RASA2: variants seen among roughly 807,000 people sequenced by gnomAD.
The protein encoded by RASA2 is ras GTPase-activating protein 2.
RASA2 carries 155 observed loss-of-function variants against 118.2 expected under a neutral mutation model. The ratio of observed to expected loss-of-function variants is 1.31; its 90% CI spans 1.15 to 1.50. The LOEUF (loss-of-function observed/expected upper bound fraction) is 1.50, where lower values mean the gene tolerates loss of function less well. Ranked by LOEUF, RASA2 falls within the 40% of genes most tolerant of loss-of-function variation. RASA2 has a pLI of 0.00. For missense variants in RASA2, 1,016 were observed against 1,009.6 expected (o/e 1.01, Z -0.09); for synonymous variants, 353 against 349.1 (o/e 1.01, Z -0.12).
intron 11 of RASA2, among the ~76,000 whole-genome samples, chr3:141,572,238 C>G (rs918543578): frequency 2.6e-5 from 4 of 151,806 alleles, no homozygotes; most frequent in African/African-American, 9.7e-5. Flanking sequence ...ATTACAGGCA[C>G]TCGCCACCAC....
Position 141,487,032 on chromosome 3 carries a change from G to C in RASA2, c.-52G>C, listed in dbSNP as rs1304392345. On this transcript the variant is annotated 5_prime_UTR_variant, in exon 1 of 24. Transcript: ENST00000286364. ...TGGGCCTAGGCCGCTGCTGGGCTCC[G>C]CCTCGCCCGGCTACGCAGGCGGCAG... 2.6e-6 allele frequency: 3 copies of C among 1,146,730 alleles called. No homozygotes were observed. The highest frequency in any genetic ancestry group is 3.2e-6 in the Non-Finnish European group (3 of 931,726). 71.0% of individuals were successfully genotyped at this position (1,146,730 alleles called of 1,614,324 possible). A position where few individuals can be genotyped will look rare whatever the true frequency, so the allele number is the denominator to read the frequency against.
At chr3:141,607,636 T>A (rs1260255520) in intron 19 of RASA2, 42 bp from the exon 20 acceptor site, 1 of 1,520,010 alleles carries the variant, frequency 6.6e-7, no homozygotes, top group African/African-American at 1.4e-5. Context: ...ATAATTCTGA[T>A]GGAAATTACT....
Position 141,612,866 on chromosome 3 carries a change from A to G in RASA2, c.*553A>G, listed in dbSNP as rs2083673942. The stretch of plus-strand genomic sequence containing the variant: ...CAAGACAGTGATAGAAACTTTAGAA[A>G]ACTGCCAGAGCATACTTGAAAGTTG... On this transcript the variant is annotated 3_prime_UTR_variant, in exon 24 of 24. Coordinates refer to ENST00000286364, the MANE Select transcript of RASA2 (RefSeq NM_006506.5). 6.6e-6 allele frequency: 1 copy of G among 152,348 alleles called. No homozygotes were observed. The highest frequency in any genetic ancestry group is 2.4e-5 in the African/African-American group (1 of 41,470). 9.4% of individuals were successfully genotyped at this position (152,348 alleles called of 1,614,324 possible). A position where few individuals can be genotyped will look rare whatever the true frequency, so the allele number is the denominator to read the frequency against.
intron 5 of RASA2, among the ~76,000 whole-genome samples, chr3:141,549,145 A>G (rs2082532262): frequency 6.6e-6 from 1 of 152,184 alleles, no homozygotes; most frequent in South Asian, 2.1e-4. Context: ...ATTTGCATCC[A>G]TAATTTTGTC....
At chr3:141,521,078 C>A (rs1215315378) in intron 3 of RASA2, among the ~76,000 whole-genome samples, 1 of 152,136 alleles carries the variant, frequency 6.6e-6, no homozygotes, top group African/African-American at 2.4e-5. Flanking sequence ...TGGTTTCAAA[C>A]AAGTTAAACT....
intron 2 of RASA2, among the ~76,000 whole-genome samples, chr3:141,515,642 C>T (rs1332261413): frequency 6.6e-6 from 1 of 152,058 alleles, no homozygotes; most frequent in African/African-American, 2.4e-5. Context: ...TAGCTCACTC[C>T]TGTAATCCCA....
At chr3:141,599,224 GTTTC>G (rs1316165476) in intron 19 of RASA2, among the ~76,000 whole-genome samples, 2 of 145,750 alleles carry the variant, frequency 1.4e-5, no homozygotes, top group South Asian at 2.2e-4. Flanking sequence ...TGAAGATTGA[GTTTC>G]TTTGTTTTTT....
intron 9 of RASA2, among the ~76,000 whole-genome samples, chr3:141,563,529 A>G (rs932725691): frequency 1.3e-5 from 2 of 152,234 alleles, no homozygotes; most frequent in Non-Finnish European, 2.9e-5. Context: ...ATAGTTATAC[A>G]TCACATATAT....
intron 4 of RASA2, among the ~76,000 whole-genome samples, chr3:141,530,639 A>G (rs1198790444): frequency 2.0e-5 from 3 of 152,122 alleles, no homozygotes; most frequent in African/African-American, 7.2e-5. Context: ...ATAATTTGCA[A>G]ATAAGTGCCT....
rs1257384637 is a variant in RASA2, at chr3:141,540,595, G to A, written c.513G>A (p.Gln171=). The stretch of plus-strand genomic sequence containing the variant: ...TAACGGAGAATGGAACTGTATGCCA[G>A]CAGCTTGTTGTACAGTAAGCATTTT... ...ELITENGTVC[Q]QLVVHIKACH... is the part of the protein sequence containing the mutation. Residue 171 remains glutamine (Q), a synonymous_variant, in exon 5 of 24, where the codon CAG becomes CAA. Coordinates refer to ENST00000286364, the MANE Select transcript of RASA2 (RefSeq NM_006506.5). The A allele has an allele frequency of 3.7e-6, 6 of 1,611,682 alleles. No individual in the cohort carries two copies. The East Asian group carries it at 1.3e-4, about 36-fold the overall frequency.
chr3:141,528,324 T>G (rs1264744316), intron 3 of RASA2, among the ~76,000 whole-genome samples: 1 of 151,966 alleles, frequency 6.6e-6, no homozygotes, highest in African/African-American at 2.4e-5. Flanking sequence ...AATAACAGTT[T>G]TATTGAGATG....
intron 5 of RASA2, among the ~76,000 whole-genome samples, chr3:141,546,357 C>A (rs533615326): frequency 1.1e-4 from 17 of 152,124 alleles, no homozygotes; most frequent in Non-Finnish European, 1.8e-4. Context: ...ATTTGTTACG[C>A]ATGTCTTTTG....
At chr3:141,529,941 T>C (rs944499369) in intron 4 of RASA2, 139 bp downstream of exon 4, 2 of 641,588 alleles carry the variant, frequency 3.1e-6, no homozygotes, top group Admixed American at 5.9e-5. Context: ...GACTTTTGGG[T>C]AATATAGGAC....
intron 3 of RASA2, among the ~76,000 whole-genome samples, chr3:141,518,482 CAAAAAAAAAAAAAAAAAAAAAA>C (rs777543417): frequency 1.5e-4 from 4 of 27,032 alleles, no homozygotes; most frequent in Non-Finnish European, 1.4e-4. Context: ...GACACCATCT[CAAAAAAAAAAAAAAAAAAAAAA>C]AAAAAAAAAA....
chr3:141,614,298 C>T lies in RASA2; in HGVS notation c.*1985C>T, dbSNP rs1417682082. The T allele has an allele frequency of 1.3e-5, 2 of 152,152 alleles. No homozygotes were observed. The highest frequency in any genetic ancestry group is 4.8e-5 in the African/African-American group (2 of 41,450). 9.4% of individuals were successfully genotyped at this position (152,152 alleles called of 1,614,324 possible). A position where few individuals can be genotyped will look rare whatever the true frequency, so the allele number is the denominator to read the frequency against. On this transcript the variant is annotated 3_prime_UTR_variant, in exon 24 of 24. Transcript: ENST00000286364. Reference sequence around the variant, plus strand: ...TTCAGCCATCTAGTTCTTTTCTTCACATGACACTTTTAAACAGCCAGTTTG... The same window carrying T: ...TTCAGCCATCTAGTTCTTTTCTTCATATGACACTTTTAAACAGCCAGTTTG...
intron 3 of RASA2, among the ~76,000 whole-genome samples, chr3:141,527,136 G>C (rs2082196523): frequency 6.6e-6 from 1 of 152,166 alleles, no homozygotes; most frequent in Non-Finnish European, 1.5e-5. Context: ...TTGAATGAGG[G>C]AATGAATTTG....
chr3:141,568,821 A>G (rs1249989870), intron 9 of RASA2, among the ~76,000 whole-genome samples: 1 of 152,084 alleles, frequency 6.6e-6, no homozygotes, highest in African/African-American at 2.4e-5. Flanking sequence ...TCTGAAAATA[A>G]ATTTTGTGGG....
chr3:141,564,382 C>G (rs79847769), intron 9 of RASA2, among the ~76,000 whole-genome samples: 1,790 of 152,198 alleles, frequency 0.012, 8 homozygotes, highest in Non-Finnish European at 0.017. Context: ...AGAGGCAGAA[C>G]CAGTTGTAAC....
At chr3:141,592,266 A>G (rs763804885) in intron 19 of RASA2, among the ~76,000 whole-genome samples, 1 of 152,150 alleles carries the variant, frequency 6.6e-6, no homozygotes, top group Non-Finnish European at 1.5e-5. Flanking sequence ...AACCATGTGG[A>G]TATTTGGGAT....
Sources: gnomAD v4.1 joint callset for allele counts (sites outside exome capture counted in the v4.1 genomes callset) on GRCh38, gnomAD v4.1.1 for gene constraint, MANE v1.5 for transcripts, NCBI Gene and HGNC (gene_info 2026-07-23, HGNC 2026-07-21) for gene names.